Variants in STPG2 observed in about 807,000 individuals in gnomAD.
STPG2 encodes the protein sperm tail PG-rich repeat containing 2.
In STPG2, 56 loss-of-function variants were observed where a neutral mutation model predicts 54.2. The observed-to-expected ratio is 1.03, with a 90% CI of 0.83 to 1.29. The LOEUF (loss-of-function observed/expected upper bound fraction) is 1.29, where lower values mean the gene tolerates loss of function less well. Among genes scored for constraint, STPG2 ranks in the 50% most tolerant of loss-of-function variants. The probability of loss-of-function intolerance (pLI) is 0.00; values close to 1 mark genes in which losing one functional copy is unlikely to be tolerated. For missense variants in STPG2, 596 were observed against 544.9 expected (o/e 1.09, Z -0.93); for synonymous variants, 200 against 181.8 (o/e 1.10, Z -0.81).
rs113337952 is a variant in STPG2, at chr4:97,677,244, T to C, written c.1320+35455A>G. Reference sequence around the variant, plus strand: ...AAAACACTTTAAAAGAACTCTAAAATGGTTTGATGTATTGAACAATTGAGT... The same window carrying C: ...AAAACACTTTAAAAGAACTCTAAAACGGTTTGATGTATTGAACAATTGAGT... On this transcript the variant is annotated intron_variant, in intron 10 of 10. Transcript: ENST00000295268. Among the ~76,000 whole-genome samples, 770 of 152,290 alleles carry C rather than the reference T, an allele frequency of 5.1e-3. 4 individuals are homozygous for C. The highest frequency in any genetic ancestry group is 0.02 in the Middle Eastern group (6 of 294).
At chr4:97,999,801 G>C (rs890438880) in intron 5 of STPG2, among the ~76,000 whole-genome samples, 1 of 152,142 alleles carries the variant, frequency 6.6e-6, no homozygotes, top group African/African-American at 2.4e-5. Context: ...GTGTCATATA[G>C]ACAATAATTC....
chr4:97,974,604 G>A (rs1185421185), intron 6 of STPG2, among the ~76,000 whole-genome samples: 14 of 152,062 alleles, frequency 9.2e-5, no homozygotes, highest in Admixed American at 7.2e-4. Context: ...TCTTTCCCGT[G>A]TTGTTCTCAT....
intron 10 of STPG2, among the ~76,000 whole-genome samples, chr4:97,623,714 T>A (rs1242843476): frequency 1.3e-5 from 2 of 152,206 alleles, no homozygotes; most frequent in African/African-American, 2.4e-5. Context: ...CATAGTGGTT[T>A]GCTGTGCTTA....
chr4:97,861,296 C>A (rs1464342856), intron 8 of STPG2, among the ~76,000 whole-genome samples: 2 of 152,068 alleles, frequency 1.3e-5, no homozygotes, highest in Non-Finnish European at 2.9e-5. Flanking sequence ...AATGAGATAT[C>A]ATCTCAACCC....
intron 4 of STPG2, among the ~76,000 whole-genome samples, chr4:97,471,562 T>C (rs908232816): frequency 2.6e-5 from 4 of 152,090 alleles, no homozygotes; most frequent in African/African-American, 4.8e-5. Flanking sequence ...TCTCTGGAGA[T>C]CCATAGATAT....
At chr4:97,610,473 C>A (rs754228506) in intron 10 of STPG2, among the ~76,000 whole-genome samples, 11 of 151,880 alleles carry the variant, frequency 7.2e-5, no homozygotes, top group Non-Finnish European at 1.3e-4. Context: ...TTGTACTGGA[C>A]ATAACAAATT....
At chr4:97,817,268 T>C (rs895427644) in intron 9 of STPG2, among the ~76,000 whole-genome samples, 3 of 150,678 alleles carry the variant, frequency 2.0e-5, no homozygotes, top group African/African-American at 7.3e-5. Flanking sequence ...ATAATAAATA[T>C]AAATTTATTT....
chr4:97,748,832 C>T (rs1725496382), intron 9 of STPG2, among the ~76,000 whole-genome samples: 2 of 151,480 alleles, frequency 1.3e-5, no homozygotes, highest in Admixed American at 1.3e-4. Context: ...TGTTAAGTTC[C>T]TGAGTTGTAC....
chr4:97,954,974 G>A (rs7687082), intron 7 of STPG2, among the ~76,000 whole-genome samples: 456 of 152,016 alleles, frequency 3.0e-3, no homozygotes, highest in African/African-American at 7.8e-3. Flanking sequence ...TAAAACAGAT[G>A]AAAAAATAGA....
chr4:97,937,820 A>G (rs919910472), intron 8 of STPG2, among the ~76,000 whole-genome samples: 2 of 152,164 alleles, frequency 1.3e-5, no homozygotes, highest in Non-Finnish European at 2.9e-5. Context: ...ACTCCTGTAT[A>G]TGGTGTCTGC....
intron 5 of STPG2, among the ~76,000 whole-genome samples, chr4:98,031,966 G>C (rs957850455): frequency 6.6e-6 from 1 of 152,142 alleles, no homozygotes; most frequent in African/African-American, 2.4e-5. Flanking sequence ...ATGAAAAAAT[G>C]CTCAACATCA....
chr4:97,947,049 G>C (rs559622969), intron 7 of STPG2, among the ~76,000 whole-genome samples: 2 of 152,200 alleles, frequency 1.3e-5, no homozygotes, highest in East Asian at 1.9e-4. Flanking sequence ...CCATTTGTTT[G>C]TGTCACCTAT....
chr4:98,075,348 T>C (rs537063803), intron 5 of STPG2, among the ~76,000 whole-genome samples: 2 of 152,336 alleles, frequency 1.3e-5, no homozygotes, highest in Non-Finnish European at 2.9e-5. Context: ...TACTTAATAC[T>C]CTTGGTTCCT....
chr4:97,824,033 T>G (rs1728176505), intron 9 of STPG2, among the ~76,000 whole-genome samples: 1 of 152,172 alleles, frequency 6.6e-6, no homozygotes, highest in Non-Finnish European at 1.5e-5. Context: ...CTCTTTGGAT[T>G]AATCTGTCTT....
intron 5 of STPG2, among the ~76,000 whole-genome samples, chr4:97,995,751 A>G (rs1735185059): frequency 6.6e-6 from 1 of 152,180 alleles, no homozygotes; most frequent in Non-Finnish European, 1.5e-5. Flanking sequence ...TGACTCCTAG[A>G]AAACAGAAAT....
chr4:97,934,839 A>C (rs577790744), intron 8 of STPG2, among the ~76,000 whole-genome samples: 9 of 152,216 alleles, frequency 5.9e-5, no homozygotes, highest in Admixed American at 3.3e-4. Flanking sequence ...TGTCTCTGAC[A>C]GGTTTTGGTA....
intron 10 of STPG2, among the ~76,000 whole-genome samples, chr4:97,660,812 G>A (rs934124048): frequency 1.3e-5 from 2 of 152,064 alleles, no homozygotes; most frequent in African/African-American, 4.8e-5. Flanking sequence ...TAAATAAATT[G>A]CCTTGAGTCA....
chr4:97,919,697 G>A (rs889070644), intron 8 of STPG2, among the ~76,000 whole-genome samples: 11 of 151,994 alleles, frequency 7.2e-5, no homozygotes, highest in Middle Eastern at 3.4e-3. Flanking sequence ...AAAATCTAAG[G>A]TCCAGAAACT....
intron 10 of STPG2, among the ~76,000 whole-genome samples, chr4:97,669,957 A>G (rs1235934902): frequency 6.6e-6 from 1 of 152,150 alleles, no homozygotes; most frequent in African/African-American, 2.4e-5. Flanking sequence ...TTTATTCCCA[A>G]TGTGAAGGGC....
Sources: gnomAD v4.1 joint callset for allele counts (sites outside exome capture counted in the v4.1 genomes callset) on GRCh38, gnomAD v4.1.1 for gene constraint, MANE v1.5 for transcripts, NCBI Gene and HGNC (gene_info 2026-07-23, HGNC 2026-07-21) for gene names.